Variants in CSMD3 observed in about 807,000 individuals in gnomAD.
The protein encoded by CSMD3 is CUB and sushi domain-containing protein 3.
CSMD3 carries 177 observed loss-of-function variants against 435.2 expected under a neutral mutation model. The observed-to-expected ratio is 0.41, with a 90% CI of 0.36 to 0.46. CSMD3 has a LOEUF of 0.46. Among genes scored for constraint, CSMD3 ranks in the 20% least tolerant of loss-of-function variants. The pLI is 0.34. For missense variants in CSMD3, 4,265 were observed against 4,504.6 expected, an observed-to-expected ratio of 0.95 and a Z score of 1.52; for synonymous variants, 1,656 against 1,520.5, an observed-to-expected ratio of 1.09 and a Z score of -2.07.
intron 4 of CSMD3, among the ~76,000 whole-genome samples, chr8:113,167,106 T>C (rs1173273106): frequency 1.3e-5 from 2 of 152,130 alleles, no homozygotes; most frequent in Non-Finnish European, 2.9e-5. Context: ...AGTCTACTCT[T>C]TCCAGAGTTC....
At chr8:112,670,390 A>G (rs1185509427) in intron 16 of CSMD3, among the ~76,000 whole-genome samples, 1 of 152,226 alleles carries the variant, frequency 6.6e-6, no homozygotes, top group Non-Finnish European at 1.5e-5. Context: ...GACAAAGGAT[A>G]TGTATATATA....
chr8:112,740,067 A>T (rs1478454242), intron 13 of CSMD3, among the ~76,000 whole-genome samples: 1 of 151,818 alleles, frequency 6.6e-6, no homozygotes, highest in African/African-American at 2.4e-5. Flanking sequence ...TATTGGTAAC[A>T]GAGATTACAG....
intron 31 of CSMD3, among the ~76,000 whole-genome samples, chr8:112,475,396 CCTT>C: frequency 6.6e-6 from 1 of 152,044 alleles, no homozygotes; most frequent in East Asian, 1.9e-4. Context: ...AATCACATGT[CCTT>C]ATGGTAATAT....
rs1016055613 is a variant in CSMD3 at position 112,843,383 on chromosome 8, C to T, written c.1756-13594G>A. 2.6e-5 allele frequency among the ~76,000 whole-genome samples: 4 copies of T among 151,938 alleles called. No homozygotes were observed. In the South Asian group the frequency reaches 8.3e-4, roughly 32 times the overall value. ...CACAGTGTCTTCTGCTGTCCAATTT[C>T]CTTGTTACTCCTCATTGCCACCTGG... On this transcript the variant is annotated intron_variant, in intron 11 of 70. Coordinates refer to ENST00000297405, the MANE Select transcript of CSMD3 (RefSeq NM_198123.2).
At chr8:113,006,274 A>G (rs972982709) in intron 6 of CSMD3, among the ~76,000 whole-genome samples, 2 of 152,010 alleles carry the variant, frequency 1.3e-5, no homozygotes, top group South Asian at 2.1e-4. Flanking sequence ...ATTTGTCTCT[A>G]TATGTATTTA....
intron 61 of CSMD3, among the ~76,000 whole-genome samples, chr8:112,261,120 T>C (rs1484138698): frequency 6.6e-6 from 1 of 152,100 alleles, no homozygotes; most frequent in African/African-American, 2.4e-5. Context: ...AGTGACCTGA[T>C]GAGCAAGCAA....
intron 13 of CSMD3, among the ~76,000 whole-genome samples, chr8:112,758,462 AAATT>A (rs573377580): frequency 9.8e-5 from 15 of 152,328 alleles, no homozygotes; most frequent in Middle Eastern, 3.4e-3. Context: ...TTTCTAATAT[AAATT>A]AAGTCACAAA....
intron 13 of CSMD3, among the ~76,000 whole-genome samples, chr8:112,711,996 C>G (rs751049957): frequency 6.6e-6 from 1 of 152,108 alleles, no homozygotes; most frequent in Non-Finnish European, 1.5e-5. Flanking sequence ...GGTATGTGGA[C>G]TTTTGTTGGC....
At chr8:112,735,708 A>G (rs566374547) in intron 13 of CSMD3, among the ~76,000 whole-genome samples, 31 of 152,146 alleles carry the variant, frequency 2.0e-4, no homozygotes, top group African/African-American at 7.0e-4. Context: ...TTTCAGGTCA[A>G]TATCATGTCA....
chr8:112,667,695 A>G (rs1221527040), intron 16 of CSMD3, among the ~76,000 whole-genome samples: 2 of 152,094 alleles, frequency 1.3e-5, no homozygotes, highest in Non-Finnish European at 2.9e-5. Flanking sequence ...CTCTACTTTC[A>G]GGAAGTATAC....
At chr8:112,981,852 G>A (rs960867217) in intron 6 of CSMD3, among the ~76,000 whole-genome samples, 4 of 151,590 alleles carry the variant, frequency 2.6e-5, no homozygotes, top group South Asian at 4.1e-4. Context: ...AAAGCCTTAA[G>A]GAGACTACAG....
chr8:113,256,245 T>A (rs899590326), intron 3 of CSMD3, among the ~76,000 whole-genome samples: 1 of 152,190 alleles, frequency 6.6e-6, no homozygotes, highest in Non-Finnish European at 1.5e-5. Flanking sequence ...AAGAAGTCAT[T>A]AGATAATATA....
intron 3 of CSMD3, among the ~76,000 whole-genome samples, chr8:113,221,536 G>C (rs929750710): frequency 4.0e-5 from 6 of 150,996 alleles, no homozygotes; most frequent in Non-Finnish European, 4.4e-5. Context: ...TTAATATAAA[G>C]CAAAGTAAAG....
chr8:112,523,144 G>A (rs192901561), intron 27 of CSMD3, among the ~76,000 whole-genome samples: 1 of 151,824 alleles, frequency 6.6e-6, no homozygotes, highest in Non-Finnish European at 1.5e-5. Flanking sequence ...TTTCAAAGAA[G>A]AAAAATCTTG....
intron 31 of CSMD3, among the ~76,000 whole-genome samples, chr8:112,477,958 A>T (rs1819233758): frequency 6.6e-6 from 1 of 152,100 alleles, no homozygotes; most frequent in Non-Finnish European, 1.5e-5. Context: ...CATGGGGTCA[A>T]GGCTTTCCCG....
intron 16 of CSMD3, among the ~76,000 whole-genome samples, chr8:112,679,104 T>A (rs1030555934): frequency 3.4e-5 from 5 of 148,626 alleles, no homozygotes; most frequent in East Asian, 1.9e-4. Context: ...TTTTTTTTTT[T>A]AAATTAGGAA....
chr8:112,508,393 C>T (rs369309897), intron 28 of CSMD3, among the ~76,000 whole-genome samples: 21 of 152,090 alleles, frequency 1.4e-4, no homozygotes, highest in Non-Finnish European at 2.6e-4. Flanking sequence ...CTACCAGTTC[C>T]GATTCTTTGC....
intron 9 of CSMD3, among the ~76,000 whole-genome samples, chr8:112,936,538 T>A (rs2130739477): frequency 6.6e-6 from 1 of 152,222 alleles, no homozygotes; most frequent in East Asian, 1.9e-4. Context: ...GCATATAGGT[T>A]TTCTTTATCT....
intron 1 of CSMD3, among the ~76,000 whole-genome samples, chr8:113,368,717 T>C (rs575215542): frequency 6.6e-6 from 1 of 152,084 alleles, no homozygotes; most frequent in Non-Finnish European, 1.5e-5. Flanking sequence ...CTTTTAAAAC[T>C]GTATTATGAA....
Sources: gnomAD v4.1 joint callset for allele counts (sites outside exome capture counted in the v4.1 genomes callset) on GRCh38, gnomAD v4.1.1 for gene constraint, MANE v1.5 for transcripts, NCBI Gene and HGNC (gene_info 2026-07-23, HGNC 2026-07-21) for gene names.